The following INTS7 variants were observed in gnomAD, a reference collection of about 807,000 sequenced individuals.
INTS7 encodes chromosome 1 open reading frame 73.
In INTS7, 46 loss-of-function variants were observed where a neutral mutation model predicts 109.2. The observed-to-expected ratio is 0.42, with a 90% CI of 0.33 to 0.54. The LOEUF is 0.54. Among genes scored for constraint, INTS7 ranks in the 20% least tolerant of loss-of-function variants. The probability of loss-of-function intolerance (pLI) is 0.07; values close to 1 mark genes in which losing one functional copy is unlikely to be tolerated. For synonymous variants in INTS7, 412 were observed against 402.9 expected (o/e 1.02, Z -0.27); for missense variants, 929 against 1,132.4 (o/e 0.82, Z 2.58).
In INTS7 at chr1:211,987,872, T is replaced by C. The variant is rs2102437769; in HGVS notation, c.997+14A>G. 7.2e-7 allele frequency: 1 copy of C among 1,387,900 alleles called. No homozygotes were observed. The highest frequency in any genetic ancestry group is 1.0e-6 in the Non-Finnish European group (1 of 980,696). 86.0% of individuals were successfully genotyped at this position (1,387,900 alleles called of 1,614,324 possible). ...AGCACATTATTTATATGGTATCTCCTGTCTTTTCCTTACCTGGAACTATAC... is the reference window on the plus strand; with the variant it reads ...AGCACATTATTTATATGGTATCTCCCGTCTTTTCCTTACCTGGAACTATAC... On this transcript the variant is annotated intron_variant, in intron 8 of 19. Transcript: ENST00000366994.
chr1:212,001,574 T>C (rs1665673103), intron 7 of INTS7, among the ~76,000 whole-genome samples: 2 of 152,228 alleles, frequency 1.3e-5, no homozygotes, highest in African/African-American at 2.4e-5. Flanking sequence ...CTCCAGCGGA[T>C]ACTGAGAGAC....
intron 1 of INTS7, among the ~76,000 whole-genome samples, chr1:212,021,738 C>T (rs994190861): frequency 8.0e-5 from 12 of 150,774 alleles, no homozygotes; most frequent in Admixed American, 7.3e-4. Context: ...GACCCAGCTA[C>T]TGAGGAGGCT....
chr1:211,974,437 T>C (rs144889766), intron 13 of INTS7, among the ~76,000 whole-genome samples: 1,542 of 151,726 alleles, frequency 0.01, 11 homozygotes, highest in Middle Eastern at 0.024. Context: ...ATGTTATAAA[T>C]GTACGTAAAC....
intron 11 of INTS7, 147 bp from the exon 12 acceptor site, chr1:211,976,866 T>A: frequency 1.4e-6 from 1 of 696,250 alleles, no homozygotes; most frequent in South Asian, 2.0e-5. Context: ...AATTTTTTAT[T>A]TTGAAGTCAT....
intron 7 of INTS7, among the ~76,000 whole-genome samples, chr1:211,994,227 T>C (rs1194401354): frequency 6.6e-6 from 1 of 152,222 alleles, no homozygotes; most frequent in African/African-American, 2.4e-5. Flanking sequence ...TCACTCTTGG[T>C]AATTGTGAGT....
At chr1:212,018,856 A>G (rs1206545077) in intron 3 of INTS7, among the ~76,000 whole-genome samples, 2 of 152,236 alleles carry the variant, frequency 1.3e-5, no homozygotes. Context: ...AAATGATACT[A>G]TAATCATCTA....
intron 16 of INTS7, among the ~76,000 whole-genome samples, chr1:211,954,854 G>C: frequency 6.6e-6 from 1 of 152,158 alleles, no homozygotes; most frequent in Non-Finnish European, 1.5e-5. Flanking sequence ...TTGTTCTTTT[G>C]GTTTAGGATT....
chr1:211,951,340 G>A (rs1008900197), intron 17 of INTS7, among the ~76,000 whole-genome samples: 2 of 151,914 alleles, frequency 1.3e-5, no homozygotes, highest in African/African-American at 2.4e-5. Context: ...CAGAGTCCTC[G>A]CTCTGTTGCC....
intron 7 of INTS7, 128 bp downstream of exon 7, chr1:212,006,511 T>C: frequency 5.1e-6 from 2 of 395,100 alleles, no homozygotes; most frequent in East Asian, 4.3e-5. Flanking sequence ...ACATCAACAA[T>C]GCTTTTAGAA....
chr1:211,991,044 G>A (rs899503900), intron 7 of INTS7, among the ~76,000 whole-genome samples: 1 of 152,202 alleles, frequency 6.6e-6, no homozygotes, highest in Non-Finnish European at 1.5e-5. Flanking sequence ...AGCAGGAATG[G>A]AGACTAGTGA....
rs1663154356 is a variant in INTS7 at position 211,952,675 on chromosome 1, G to A, written c.2210C>T (p.Thr737Ile). The A allele has an allele frequency of 6.2e-7, 1 of 1,612,192 alleles. No homozygotes were observed. Among genetic ancestry groups the A allele is most frequent in the African/African-American group, 1.3e-5 (1 of 74,992 alleles). Residue 737 changes from threonine (T) to isoleucine (I), a missense_variant, in exon 17 of 20, where the codon ACA (threonine) becomes ATA (isoleucine). By Grantham distance (89) the Thr-to-Ile change is moderately conservative. Coordinates refer to ENST00000366994, the MANE Select transcript of INTS7 (RefSeq NM_015434.4). ...ASFQEYGSTG[T>I]AHADSEYERR... ...TTCATATTCACTATCAGCATGGGCTGTTCCAGTAGATCCATATTCCTGGAA... is the reference window on the plus strand; with the variant it reads ...TTCATATTCACTATCAGCATGGGCTATTCCAGTAGATCCATATTCCTGGAA...
At chr1:212,005,564 A>C (rs991524735) in intron 7 of INTS7, among the ~76,000 whole-genome samples, 9 of 152,224 alleles carry the variant, frequency 5.9e-5, no homozygotes, top group African/African-American at 2.2e-4. Flanking sequence ...AATAAGAAAA[A>C]AATGAGAAGG....
chr1:211,942,092 G>A lies in INTS7; in HGVS notation c.2621C>T (p.Thr874Ile), dbSNP rs1662657505. The stretch of plus-strand genomic sequence containing the variant: ...TTCAACCCTTTGCTCCATCTCATTG[G>A]TCATGTTGTCAATGGGTATCTGCAA... ...QDYKIPIDNM[T>I]NEMEQRVEPH... Residue 874 changes from threonine to isoleucine, a missense_variant, in exon 20 of 20, where the codon ACC becomes ATC. Physicochemically the swap from Thr to Ile is moderately conservative, Grantham distance 89. Around this residue, in one of 2 missense-constraint regions of INTS7, gnomAD observed 787 missense variants for 901.1 expected, o/e 0.87. Coordinates refer to ENST00000366994, the MANE Select transcript of INTS7 (RefSeq NM_015434.4). The surrounding 1 kb of genome is among the most constrained non-coding windows in gnomAD (Gnocchi z 4.2). The A allele has an allele frequency of 6.2e-7, 1 of 1,613,776 alleles. No homozygotes were observed. The highest frequency in any genetic ancestry group is 8.5e-7 in the Non-Finnish European group (1 of 1,179,732).
At chr1:212,008,741 C>T (rs985376034) in intron 5 of INTS7, among the ~76,000 whole-genome samples, 1 of 152,184 alleles carries the variant, frequency 6.6e-6, no homozygotes, top group Admixed American at 6.5e-5. Flanking sequence ...CAGTAAATCA[C>T]ATCATTATAG....
At chr1:211,950,084 T>C (rs1663018344) in intron 17 of INTS7, among the ~76,000 whole-genome samples, 1 of 152,226 alleles carries the variant, frequency 6.6e-6, no homozygotes, top group African/African-American at 2.4e-5. Context: ...GCACATATAC[T>C]GTATTGTGTT....
At chr1:212,027,223 G>T (rs2993524) in intron 1 of INTS7, among the ~76,000 whole-genome samples, 6,598 of 152,256 alleles carry the variant, frequency 0.043, 192 homozygotes, top group African/African-American at 0.074. Context: ...CAACAGCCCT[G>T]GGTTGGGGTA....
Position 211,959,598 on chromosome 1 carries a change from G to A in INTS7, c.2183+6832C>T, listed in dbSNP as rs1049415988. Among the ~76,000 whole-genome samples the A allele has an allele frequency of 2.6e-5, 4 of 152,108 alleles. No individual in the cohort carries two copies. The highest frequency in any genetic ancestry group is 4.8e-5 in the African/African-American group (2 of 41,402). Reference sequence around the variant, plus strand: ...TGCCTCCCCAGCCCCACAAGTGCACGTTCACCTTGCCCTGCCACTGCTGCT... The same window carrying A: ...TGCCTCCCCAGCCCCACAAGTGCACATTCACCTTGCCCTGCCACTGCTGCT... On this transcript the variant is annotated intron_variant, in intron 16 of 19. Transcript: ENST00000366994. This position sits in a 1 kb window ranked among gnomAD's most constrained non-coding sequence, Gnocchi z 4.2.
intron 7 of INTS7, among the ~76,000 whole-genome samples, chr1:212,000,668 TTC>T (rs1665626828): frequency 6.6e-6 from 1 of 152,214 alleles, no homozygotes; most frequent in African/African-American, 2.4e-5. Context: ...TTATTTGAAT[TTC>T]TGTGTTTCTT....
At chr1:212,022,668 A>G (rs1022573446) in intron 1 of INTS7, among the ~76,000 whole-genome samples, 1 of 151,788 alleles carries the variant, frequency 6.6e-6, no homozygotes, top group Non-Finnish European at 1.5e-5. Context: ...TGGGATAACT[A>G]TAACTCTCAT....
Sources: gnomAD v4.1 joint callset for allele counts (sites outside exome capture counted in the v4.1 genomes callset) on GRCh38, gnomAD v4.1.1 for gene constraint, gnomAD v4.1.1 regional missense constraint, Gnocchi (gnomAD v3.1) non-coding constraint, MANE v1.5 for transcripts, NCBI Gene and HGNC (gene_info 2026-07-23, HGNC 2026-07-21) for gene names.